The following CAPZB variants were observed in gnomAD, a reference collection of about 807,000 sequenced individuals.
CAPZB encodes the protein F-actin-capping protein subunit beta.
In CAPZB, 2 loss-of-function variants were observed where a neutral mutation model predicts 38.1. The observed-to-expected ratio is 0.05, with a 90% CI of 0.02 to 0.17. The LOEUF (loss-of-function observed/expected upper bound fraction) is 0.17. CAPZB is among the 10% of genes least tolerant of loss of function. The pLI is 1.00. For missense variants in CAPZB, 161 were observed against 334.2 expected, an observed-to-expected ratio of 0.48 and a Z score of 4.04; for synonymous variants, 107 against 127.4, an observed-to-expected ratio of 0.84 and a Z score of 1.08.
chr1:19,379,629 C>T (rs1446956958), intron 3 of CAPZB, among the ~76,000 whole-genome samples: 1 of 152,184 alleles, frequency 6.6e-6, no homozygotes, highest in Non-Finnish European at 1.5e-5. Flanking sequence ...CATCCAAGAG[C>T]TATGCACACA....
chr1:19,426,748 C>T (rs933525734), intron 1 of CAPZB, among the ~76,000 whole-genome samples: 11 of 152,192 alleles, frequency 7.2e-5, no homozygotes, highest in African/African-American at 2.7e-4. Flanking sequence ...CCAGAACCAC[C>T]CAGCCAAGGC....
At chr1:19,483,557 T>C (rs1295545109) in intron 1 of CAPZB, among the ~76,000 whole-genome samples, 1 of 152,206 alleles carries the variant, frequency 6.6e-6, no homozygotes, top group African/African-American at 2.4e-5. Context: ...AGTACAAGAC[T>C]CCTGAGAAGC....
chr1:19,434,568 T>A (rs79657438), intron 1 of CAPZB, among the ~76,000 whole-genome samples: 3,960 of 147,686 alleles, frequency 0.027, 83 homozygotes, highest in Middle Eastern at 0.083. Flanking sequence ...TTTTTAAGGG[T>A]TAAAAAAATA....
chr1:19,351,990 A>G (rs967907787), intron 6 of CAPZB, among the ~76,000 whole-genome samples: 1 of 152,152 alleles, frequency 6.6e-6, no homozygotes, highest in African/African-American at 2.4e-5. Context: ...CGCCCCTTGA[A>G]GCTGCGCTGC....
intron 2 of CAPZB, among the ~76,000 whole-genome samples, chr1:19,418,219 T>C (rs1272101990): frequency 7.6e-6 from 1 of 130,956 alleles, no homozygotes; most frequent in Non-Finnish European, 1.6e-5. Flanking sequence ...AATATATGGC[T>C]CCTCTAGAAA....
Position 19,395,340 on chromosome 1 carries a change from C to G in CAPZB, c.94-9714G>C, listed in dbSNP as rs78725425. Among the ~76,000 whole-genome samples, 1,431 of 152,272 alleles carry G rather than the reference C, an allele frequency of 9.4e-3. 60 individuals carry two copies. The East Asian group carries it at 0.12, about 13-fold the overall frequency. On this transcript the variant is annotated intron_variant, in intron 2 of 8. Coordinates refer to ENST00000264202, the MANE Select transcript of CAPZB (RefSeq NM_004930.5). ...TCCACATGCCATTAACAACAAAGAG[C>G]TTTTTCAGGAAACGGTAAGTCCCCT...
At chr1:19,423,988 T>G (rs1456248415) in intron 1 of CAPZB, among the ~76,000 whole-genome samples, 1 of 151,968 alleles carries the variant, frequency 6.6e-6, no homozygotes. Context: ...ATTTTTCTAT[T>G]TTTTGTAGAG....
rs568304020 is a variant in CAPZB, at chr1:19,411,325, T to C, written c.93+8336A>G. 2.0e-5 allele frequency among the ~76,000 whole-genome samples: 3 copies of C among 152,362 alleles called. No individual in the cohort carries two copies. The South Asian group carries it at 6.2e-4, about 32-fold the overall frequency. ...GAGACCAAACAAAAAATACTTTCTG[T>C]TTTGAAATTTGTATTCTCTGAAAAA... is the stretch of plus-strand genomic sequence containing the variant. On this transcript the variant is annotated intron_variant, in intron 2 of 8. Coordinates refer to ENST00000264202, the MANE Select transcript of CAPZB (RefSeq NM_004930.5).
At chr1:19,346,312 C>T (rs1402233096) in intron 6 of CAPZB, among the ~76,000 whole-genome samples, 5 of 151,860 alleles carry the variant, frequency 3.3e-5, no homozygotes, top group Admixed American at 2.0e-4. Context: ...AGAAACCATG[C>T]AAGAAGTGGC....
At chr1:19,395,758 C>T (rs565764946) in intron 2 of CAPZB, among the ~76,000 whole-genome samples, 2 of 152,312 alleles carry the variant, frequency 1.3e-5, no homozygotes, top group African/African-American at 2.4e-5. Flanking sequence ...TCTAAGCTCC[C>T]GGCTGCTTTT....
At chr1:19,380,336 C>T (rs777402223) in intron 3 of CAPZB, among the ~76,000 whole-genome samples, 63 of 152,228 alleles carry the variant, frequency 4.1e-4, no homozygotes, top group Non-Finnish European at 7.9e-4. Context: ...TGCTGCTCAC[C>T]GCAGTTTTGG....
chr1:19,370,520 G>A (rs2094114394), intron 4 of CAPZB, among the ~76,000 whole-genome samples: 1 of 152,166 alleles, frequency 6.6e-6, no homozygotes, highest in African/African-American at 2.4e-5. Flanking sequence ...CTGTCTACTG[G>A]TGAAGCAAGC....
chr1:19,374,735 C>G (rs1570022521), intron 4 of CAPZB, among the ~76,000 whole-genome samples: 1 of 152,340 alleles, frequency 6.6e-6, no homozygotes, highest in Middle Eastern at 3.4e-3. Flanking sequence ...GGCAGCAGCT[C>G]AGGGTGACCA....
chr1:19,427,480 C>T (rs554835698), intron 1 of CAPZB, among the ~76,000 whole-genome samples: 12 of 152,304 alleles, frequency 7.9e-5, no homozygotes, highest in Admixed American at 2.6e-4. Context: ...TTGTATAATC[C>T]GTGACCCAAT....
intron 1 of CAPZB, among the ~76,000 whole-genome samples, chr1:19,426,745 C>A (rs958913462): frequency 5.9e-5 from 9 of 152,236 alleles, no homozygotes; most frequent in African/African-American, 2.2e-4. Context: ...AAGCCAGAAC[C>A]ACCCAGCCAA....
At chr1:19,340,023 C>G (rs2093919549) in intron 8 of CAPZB, among the ~76,000 whole-genome samples, 1 of 152,162 alleles carries the variant, frequency 6.6e-6, no homozygotes, top group African/African-American at 2.4e-5. Context: ...GAACAGCTAC[C>G]CTGGGTTGCT....
intron 6 of CAPZB, among the ~76,000 whole-genome samples, chr1:19,352,363 A>G (rs2093996100): frequency 6.6e-6 from 1 of 152,202 alleles, no homozygotes; most frequent in Admixed American, 6.5e-5. Flanking sequence ...TTCCACCTTC[A>G]TTTCTAAATA....
intron 2 of CAPZB, among the ~76,000 whole-genome samples, chr1:19,396,510 C>T (rs1271270333): frequency 1.3e-5 from 2 of 152,272 alleles, no homozygotes; most frequent in Non-Finnish European, 2.9e-5. Context: ...GCTGCCGCTG[C>T]CCCTCGTACC....
intron 1 of CAPZB, among the ~76,000 whole-genome samples, chr1:19,444,139 C>T (rs1424762658): frequency 6.6e-6 from 1 of 151,658 alleles, no homozygotes; most frequent in African/African-American, 2.4e-5. Flanking sequence ...GCCGGGGCAA[C>T]AGAGCCAGAC....
Sources: gnomAD v4.1 joint callset for allele counts (sites outside exome capture counted in the v4.1 genomes callset) on GRCh38, gnomAD v4.1.1 for gene constraint, MANE v1.5 for transcripts, NCBI Gene and HGNC (gene_info 2026-07-23, HGNC 2026-07-21) for gene names.